GALNT13: variants seen among roughly 807,000 people sequenced by gnomAD.
The protein encoded by GALNT13 is polypeptide N-acetylgalactosaminyltransferase 13.
In GALNT13, 28 loss-of-function variants were observed where a neutral mutation model predicts 64.2. The observed-to-expected ratio is 0.44, with a 90% CI of 0.32 to 0.60. GALNT13 has a LOEUF of 0.60. GALNT13 is among the 20% of genes least tolerant of loss of function. GALNT13 has a pLI of 0.05. For synonymous variants in GALNT13, 214 were observed against 224.6 expected (o/e 0.95, Z 0.42); for missense variants, 577 against 669.8 (o/e 0.86, Z 1.53).
At chr2:153,872,442 C>G (rs1485365043) in intron 1 of GALNT13, 139 bp downstream of exon 1, 2 of 150,610 alleles carry the variant, frequency 1.3e-5, no homozygotes, top group Middle Eastern at 3.3e-3. Flanking sequence ...CGCCCCGGGC[C>G]GGTCCCAGGG....
the GALNT13 span, among the ~76,000 whole-genome samples, chr2:153,804,943 T>TTCTAACTTTTA: frequency 6.6e-6 from 1 of 151,982 alleles, no homozygotes; most frequent in Non-Finnish European, 1.5e-5. Flanking sequence ...AGAACATAAG[T>TTCTAACTTTTA]GGCAGAACCT....
At chr2:153,487,903 G>A in the GALNT13 span, among the ~76,000 whole-genome samples, 1 of 152,160 alleles carries the variant, frequency 6.6e-6, no homozygotes, top group Non-Finnish European at 1.5e-5. Context: ...AAGCCATGGG[G>A]ACACATTGAA....
chr2:154,211,629 C>CAAAAAAAAAAAAAAAAAAAAAAAAAAAA (rs140095331), intron 4 of GALNT13, among the ~76,000 whole-genome samples: 7 of 37,950 alleles, frequency 1.8e-4, no homozygotes, highest in Non-Finnish European at 2.2e-4. Context: ...ACTCCATCTC[C>CAAAAAAAAAAAAAAAAAAAAAAAAAAAA]AAAAAAAAAA....
intron 3 of GALNT13, among the ~76,000 whole-genome samples, chr2:154,129,440 T>G (rs1018818812): frequency 6.6e-6 from 1 of 152,132 alleles, no homozygotes; most frequent in Non-Finnish European, 1.5e-5. Context: ...AGGTGAGTAC[T>G]AAAATAAAAT....
Position 154,237,518 on chromosome 2 carries a change from T to TTATATATATA in GALNT13, c.312-4502_312-4493dup, listed in dbSNP as rs10624007. 4.4e-3 allele frequency among the ~76,000 whole-genome samples: 633 copies of TTATATATATA among 142,784 alleles called. 3 individuals are homozygous for TTATATATATA. The highest frequency in any genetic ancestry group is 0.022 in the Middle Eastern group (6 of 274). 93.7% of individuals were successfully genotyped at this position (142,784 alleles called of 152,430 possible). On this transcript the variant is annotated intron_variant, in intron 4 of 12. Transcript: ENST00000392825. Reference sequence around the variant, plus strand: ...CAGTGAGTTAAAAACTCTGCCAGCTTTATATATATATATATATATGTAATA... The same window carrying TTATATATATA: ...CAGTGAGTTAAAAACTCTGCCAGCTTTATATATATATATATATATATATATATATGTAATA...
chr2:153,829,078 G>A, the GALNT13 span, among the ~76,000 whole-genome samples: 1 of 152,068 alleles, frequency 6.6e-6, no homozygotes. Context: ...ATATCATTAT[G>A]AACATTTTGG....
chr2:153,347,328 G>C, the GALNT13 span, among the ~76,000 whole-genome samples: 127 of 152,308 alleles, frequency 8.3e-4, 1 homozygote, highest in African/African-American at 2.9e-3. Context: ...GGGATGTGTG[G>C]AGATTGTGGG....
the GALNT13 span, among the ~76,000 whole-genome samples, chr2:153,262,019 T>C: frequency 4.6e-5 from 7 of 152,168 alleles, no homozygotes; most frequent in Admixed American, 4.6e-4. Flanking sequence ...AGGCCTAGAA[T>C]TGGAAACCCC....
chr2:153,577,241 T>C, the GALNT13 span, among the ~76,000 whole-genome samples: 2 of 152,192 alleles, frequency 1.3e-5, no homozygotes, highest in African/African-American at 4.8e-5. Flanking sequence ...ATATATAAAC[T>C]TTTCTTTGAC....
intron 4 of GALNT13, among the ~76,000 whole-genome samples, chr2:154,167,669 C>A (rs1685110261): frequency 6.6e-6 from 1 of 152,092 alleles, no homozygotes; most frequent in African/African-American, 2.4e-5. Flanking sequence ...TAGAGAGACA[C>A]AACTTAATGT....
chr2:154,304,158 T>C (rs966568962), intron 9 of GALNT13, among the ~76,000 whole-genome samples: 13 of 152,194 alleles, frequency 8.5e-5, no homozygotes, highest in African/African-American at 2.7e-4. Flanking sequence ...GGGCATTGTA[T>C]GTTTAAGTGT....
rs578225210 is a variant in GALNT13 at position 154,311,435 on chromosome 2, G to A, written c.1156+9846G>A. Among the ~76,000 whole-genome samples the A allele has an allele frequency of 2.8e-3, 431 of 152,194 alleles. 4 individuals carry two copies. Among genetic ancestry groups the A allele is most frequent in the African/African-American group, 0.01 (427 of 41,530 alleles). On this transcript the variant is annotated intron_variant, in intron 9 of 12. Transcript: ENST00000392825. ...CACAAAAACCAGCAAGTTTTTATTA[G>A]GGAGTTTCAAAAGGGGAGGGAGTAT...
At chr2:153,255,140 A>T in the GALNT13 span, among the ~76,000 whole-genome samples, 241 of 151,376 alleles carry the variant, frequency 1.6e-3, 4 homozygotes, top group East Asian at 0.041. Context: ...TTGCTTTATG[A>T]ATCTGGGTGC....
At chr2:154,193,095 T>A (rs1686687155) in intron 4 of GALNT13, among the ~76,000 whole-genome samples, 1 of 152,236 alleles carries the variant, frequency 6.6e-6, no homozygotes, top group Admixed American at 6.5e-5. Context: ...CATGTGTTTC[T>A]TAGCAAGGAA....
intron 12 of GALNT13, among the ~76,000 whole-genome samples, chr2:154,440,759 T>C (rs1384458494): frequency 6.6e-6 from 1 of 152,106 alleles, no homozygotes; most frequent in Non-Finnish European, 1.5e-5. Flanking sequence ...CTTTGCCAAA[T>C]TAAAAAATGC....
At chr2:153,646,750 G>A in the GALNT13 span, among the ~76,000 whole-genome samples, 1 of 152,094 alleles carries the variant, frequency 6.6e-6, no homozygotes, top group Non-Finnish European at 1.5e-5. Context: ...TGCTGAGAAT[G>A]ATGGTTTCCA....
the GALNT13 span, among the ~76,000 whole-genome samples, chr2:153,126,331 TA>T: frequency 2.3e-4 from 13 of 56,854 alleles, no homozygotes; most frequent in African/African-American, 6.9e-4. Context: ...TATATATATA[TA>T]TATATATATA....
chr2:154,313,969 C>T (rs1399194626), intron 9 of GALNT13, among the ~76,000 whole-genome samples: 1 of 152,002 alleles, frequency 6.6e-6, no homozygotes, highest in Admixed American at 6.6e-5. Context: ...CTTTCCATTA[C>T]CCTAAACCTG....
chr2:153,524,164 A>G, the GALNT13 span, among the ~76,000 whole-genome samples: 2 of 152,250 alleles, frequency 1.3e-5, no homozygotes, highest in Non-Finnish European at 2.9e-5. Context: ...TTCTCACTTG[A>G]TTGTGGTATA....
Sources: gnomAD v4.1 joint callset for allele counts (sites outside exome capture counted in the v4.1 genomes callset) on GRCh38, gnomAD v4.1.1 for gene constraint, MANE v1.5 for transcripts, NCBI Gene and HGNC (gene_info 2026-07-23, HGNC 2026-07-21) for gene names.